GALNT14: variants seen among roughly 807,000 people sequenced by gnomAD.
GALNT14 encodes polypeptide N-acetylgalactosaminyltransferase 14, also known as UDP-GalNAc:polypeptide N-acetylgalactosaminyltransferase 14.
GALNT14 carries 60 observed loss-of-function variants against 77.5 expected under a neutral mutation model. The ratio of observed to expected loss-of-function variants is 0.77; its 90% CI spans 0.63 to 0.96. GALNT14 has a LOEUF of 0.96. Ranked by LOEUF, GALNT14 falls within the 40% of genes least tolerant of loss-of-function variation. The probability of loss-of-function intolerance (pLI) is 0.00; values close to 1 mark genes in which losing one functional copy is unlikely to be tolerated. For synonymous variants in GALNT14, 280 were observed against 281.7 expected (o/e 0.99, Z 0.06); for missense variants, 710 against 731.0 (o/e 0.97, Z 0.33).
At chr2:31,095,428 C>T (rs1016343438) in intron 1 of GALNT14, among the ~76,000 whole-genome samples, 3 of 152,098 alleles carry the variant, frequency 2.0e-5, no homozygotes, top group African/African-American at 7.2e-5. Flanking sequence ...AATCATCCCC[C>T]AAAGGGTCAT....
intron 2 of GALNT14, among the ~76,000 whole-genome samples, chr2:30,967,374 G>A (rs1227734517): frequency 6.6e-6 from 1 of 152,164 alleles, no homozygotes; most frequent in Non-Finnish European, 1.5e-5. Context: ...TAATGGCCCT[G>A]GTGTCATGTT....
intron 6 of GALNT14, among the ~76,000 whole-genome samples, chr2:30,954,495 C>T (rs1667236268): frequency 6.6e-6 from 1 of 152,170 alleles, no homozygotes; most frequent in Non-Finnish European, 1.5e-5. Context: ...CTAAACAACA[C>T]TAAGTGGAAG....
At chr2:31,096,073 A>G (rs1352736877) in intron 1 of GALNT14, among the ~76,000 whole-genome samples, 1 of 151,966 alleles carries the variant, frequency 6.6e-6, no homozygotes, top group African/African-American at 2.4e-5. Flanking sequence ...CTTCATCTCC[A>G]TCTTCAAAGC....
intron 6 of GALNT14, among the ~76,000 whole-genome samples, chr2:30,955,265 C>A (rs1667289066): frequency 6.6e-6 from 1 of 152,130 alleles, no homozygotes; most frequent in African/African-American, 2.4e-5. Context: ...ACAAAAGACA[C>A]CCATAAGGGT....
At chr2:30,952,045 G>A (rs1323049766) in intron 6 of GALNT14, among the ~76,000 whole-genome samples, 4 of 152,166 alleles carry the variant, frequency 2.6e-5, no homozygotes, top group East Asian at 1.9e-4. Context: ...GACTGCAAGC[G>A]TACACTACAA....
rs187881200 is a variant in GALNT14 at position 31,015,183 on chromosome 2, T to C, written c.130-22176A>G. ...GGTGCACTCCTGTAATCCCAGCTAC[T>C]TGGGAGGCTGAGGCAGGAGAATCGC... On this transcript the variant is annotated intron_variant, in intron 1 of 14. Coordinates refer to ENST00000349752, the MANE Select transcript of GALNT14 (RefSeq NM_024572.4). Among the ~76,000 whole-genome samples the C allele has an allele frequency of 3.9e-5, 6 of 151,918 alleles. No homozygotes were observed. In the East Asian group the frequency reaches 7.7e-4, roughly 20 times the overall value.
intron 3 of GALNT14, among the ~76,000 whole-genome samples, chr2:30,962,087 A>G (rs1014497067): frequency 1.3e-5 from 2 of 152,144 alleles, no homozygotes; most frequent in Non-Finnish European, 2.9e-5. Context: ...GAGCCCCTGC[A>G]TTAGAACTCT....
chr2:31,082,976 C>T (rs1676229868), intron 1 of GALNT14, among the ~76,000 whole-genome samples: 1 of 152,072 alleles, frequency 6.6e-6, no homozygotes, highest in Admixed American at 6.5e-5. Flanking sequence ...TGAGATTGCA[C>T]CACTGCACTC....
At chr2:30,993,315 C>T (rs984514038) in intron 1 of GALNT14, among the ~76,000 whole-genome samples, 3 of 152,180 alleles carry the variant, frequency 2.0e-5, no homozygotes, top group Non-Finnish European at 2.9e-5. Context: ...CCTTATTATA[C>T]AGATGAGATA....
In GALNT14 at chr2:30,993,798, G is replaced by T. The variant is rs908736798; in HGVS notation, c.130-791C>A. ...TGACTGGCTTGTCTGAGGTCACACA[G>T]GTGGGAAGGGGCAGAGCTCAAAGCA... On this transcript the variant is annotated intron_variant, in intron 1 of 14. Transcript: ENST00000349752. Among the ~76,000 whole-genome samples the T allele has an allele frequency of 2.0e-5, 3 of 152,202 alleles. No individual in the cohort carries two copies. The East Asian group carries it at 5.8e-4, about 29-fold the overall frequency.
chr2:31,068,294 G>A (rs10166079), intron 1 of GALNT14, among the ~76,000 whole-genome samples: 5 of 151,864 alleles, frequency 3.3e-5, no homozygotes, highest in South Asian at 2.1e-4. Flanking sequence ...TGAGACCAGC[G>A]TGGCCAACAT....
At chr2:30,997,386 A>G (rs1389774005) in intron 1 of GALNT14, among the ~76,000 whole-genome samples, 1 of 152,154 alleles carries the variant, frequency 6.6e-6, no homozygotes, top group African/African-American at 2.4e-5. Flanking sequence ...TTGTATCTAT[A>G]CTGTGAATTC....
At chr2:30,931,288 AGAG>A (rs1208368627) in intron 10 of GALNT14, among the ~76,000 whole-genome samples, 1 of 152,222 alleles carries the variant, frequency 6.6e-6, no homozygotes, top group Non-Finnish European at 1.5e-5. Context: ...AAAAAAAGGA[AGAG>A]GAGACCAAGT....
chr2:30,957,132 C>A (rs927724446), intron 4 of GALNT14, among the ~76,000 whole-genome samples: 1 of 152,214 alleles, frequency 6.6e-6, no homozygotes, highest in African/African-American at 2.4e-5. Context: ...AGTTTATTGA[C>A]CTTGGCCTCC....
intron 1 of GALNT14, among the ~76,000 whole-genome samples, chr2:31,130,313 G>A (rs1039094109): frequency 7.9e-5 from 12 of 152,156 alleles, no homozygotes; most frequent in African/African-American, 1.9e-4. Context: ...TGTCCAGAGC[G>A]GTGCTCTCAG....
intron 1 of GALNT14, among the ~76,000 whole-genome samples, chr2:31,083,407 G>C (rs1862976): frequency 1.3e-5 from 2 of 151,986 alleles, no homozygotes; most frequent in Non-Finnish European, 2.9e-5. Flanking sequence ...GTAGTGAATC[G>C]ATAATCATTA....
At chr2:31,080,547 G>C (rs778535861) in intron 1 of GALNT14, among the ~76,000 whole-genome samples, 1 of 152,202 alleles carries the variant, frequency 6.6e-6, no homozygotes, top group Non-Finnish European at 1.5e-5. Context: ...ATGGAGAACA[G>C]TTTTCTTTAA....
intron 11 of GALNT14, among the ~76,000 whole-genome samples, chr2:30,926,916 G>A (rs1215812739): frequency 6.6e-6 from 1 of 152,180 alleles, no homozygotes; most frequent in Non-Finnish European, 1.5e-5. Context: ...GCTGGGCACT[G>A]GAGGAATGGA....
intron 2 of GALNT14, among the ~76,000 whole-genome samples, chr2:30,969,156 T>C (rs1668191877): frequency 6.6e-6 from 1 of 152,126 alleles, no homozygotes; most frequent in African/African-American, 2.4e-5. Context: ...AGCCTCCTGG[T>C]CTCTCCATAA....
Sources: gnomAD v4.1 joint callset for allele counts (sites outside exome capture counted in the v4.1 genomes callset) on GRCh38, gnomAD v4.1.1 for gene constraint, MANE v1.5 for transcripts, NCBI Gene and HGNC (gene_info 2026-07-23, HGNC 2026-07-21) for gene names.